The following VWA3B variants were observed in gnomAD, a reference collection of about 807,000 sequenced individuals.
The protein encoded by VWA3B is von Willebrand factor A domain containing 3B, also known as von Willebrand factor A domain-containing protein 3B.
In VWA3B, 138 loss-of-function variants were observed where a neutral mutation model predicts 158.3. The observed-to-expected ratio is 0.87, with a 90% CI of 0.76 to 1.00. The LOEUF (loss-of-function observed/expected upper bound fraction) is 1.00. VWA3B is among the 50% of genes least tolerant of loss of function. VWA3B has a pLI of 0.00. For missense variants in VWA3B, 1,555 were observed against 1,565.1 expected (o/e 0.99, Z 0.11); for synonymous variants, 596 against 587.3 (o/e 1.01, Z -0.21).
chr2:98,162,992 G>T lies in VWA3B; in HGVS notation c.1114+16G>T. ...GTGGACTGCGGTTGGTGCTATTTCTGGTCACTGGTGTAAAAGATTCATAAA... is the reference window on the plus strand; with the variant it reads ...GTGGACTGCGGTTGGTGCTATTTCTTGTCACTGGTGTAAAAGATTCATAAA... On this transcript the variant is annotated intron_variant, in intron 8 of 27. Coordinates refer to ENST00000477737, the MANE Select transcript of VWA3B (RefSeq NM_144992.5). 1 of 1,613,510 alleles carries T rather than the reference G, an allele frequency of 6.2e-7. No individual in the cohort carries two copies. Among genetic ancestry groups the T allele is most frequent in the East Asian group, 2.2e-5 (1 of 44,872 alleles).
rs766916957 is a variant in VWA3B, at chr2:98,311,930, C to A, written c.3633C>A (p.Pro1211=). Residue 1211 remains proline (P), a synonymous_variant, in exon 27 of 28, where the codon CCC becomes CCA. Transcript: ENST00000477737. ...RREKPRRKKR[P]AKQPLQQAAP... The stretch of plus-strand genomic sequence containing the variant: ...AGAAGCCCAGGAGGAAAAAGAGGCC[C>A]GCCAAGCAGCCACTCCAGCAGGCGG... The A allele has an allele frequency of 1.2e-6, 2 of 1,606,938 alleles. No homozygotes were observed. Among genetic ancestry groups the A allele is most frequent in the East Asian group, 2.2e-5 (1 of 44,558 alleles).
intron 4 of VWA3B, 137 bp downstream of exon 4, chr2:98,119,900 T>A: frequency 8.9e-7 from 1 of 1,129,268 alleles, no homozygotes; most frequent in Non-Finnish European, 1.2e-6. Context: ...CTAGAAGATG[T>A]AATTTCAGCA....
At chr2:98,286,361 T>C (rs2105935084) in intron 22 of VWA3B, among the ~76,000 whole-genome samples, 1 of 152,286 alleles carries the variant, frequency 6.6e-6, no homozygotes, top group East Asian at 1.9e-4. Context: ...GGGTAAGTCA[T>C]CTAGTTTTTC....
At chr2:98,112,281 GGTGTGTGTGTGTGTGTGTGTGGGTGTGT>G (rs1240123304) in intron 2 of VWA3B, among the ~76,000 whole-genome samples, 17 of 148,294 alleles carry the variant, frequency 1.1e-4, no homozygotes, top group African/African-American at 4.0e-4. Context: ...GTCTGTTTGG[GGTGTGTGTGTGTGTGTGTGTGGGTGTGT>G]GTGTGTGTGT....
intron 6 of VWA3B, among the ~76,000 whole-genome samples, chr2:98,129,058 C>A (rs1175937201): frequency 6.6e-6 from 1 of 151,764 alleles, no homozygotes; most frequent in African/African-American, 2.4e-5. Flanking sequence ...GGTGGCTTAA[C>A]AAGTATTTAT....
intron 10 of VWA3B, among the ~76,000 whole-genome samples, chr2:98,192,041 G>T (rs914520100): frequency 1.3e-5 from 2 of 152,198 alleles, no homozygotes; most frequent in Non-Finnish European, 2.9e-5. Flanking sequence ...CCAGGGCCTT[G>T]GTTATTACAG....
intron 4 of VWA3B, among the ~76,000 whole-genome samples, chr2:98,120,813 G>A (rs1001758732): frequency 1.3e-5 from 2 of 152,172 alleles, no homozygotes; most frequent in African/African-American, 2.4e-5. Flanking sequence ...AACAATACCA[G>A]TATTAATCCA....
At chr2:98,232,949 T>A (rs546208517) in intron 16 of VWA3B, among the ~76,000 whole-genome samples, 1 of 152,230 alleles carries the variant, frequency 6.6e-6, no homozygotes, top group East Asian at 1.9e-4. Context: ...AGGAGGGCCT[T>A]GAACCCACAG....
At chr2:98,106,219 G>T (rs566776671) in intron 2 of VWA3B, among the ~76,000 whole-genome samples, 2 of 152,090 alleles carry the variant, frequency 1.3e-5, no homozygotes, top group South Asian at 4.2e-4. Context: ...CTGGCCCTAG[G>T]TTCTCTATTT....
At chr2:98,250,122 A>G (rs1450216441) in intron 19 of VWA3B, among the ~76,000 whole-genome samples, 196 bp from the exon 20 acceptor site, 2 of 152,154 alleles carry the variant, frequency 1.3e-5, no homozygotes, top group Non-Finnish European at 2.9e-5. Flanking sequence ...ATATAGTTTT[A>G]AACATTGAAC....
chr2:98,225,444 A>G (rs1684845688), intron 14 of VWA3B, among the ~76,000 whole-genome samples: 1 of 152,228 alleles, frequency 6.6e-6, no homozygotes. Flanking sequence ...GAAATAGAAG[A>G]GAACTTCCTC....
chr2:98,139,441 C>T (rs187949397), intron 7 of VWA3B, among the ~76,000 whole-genome samples: 2 of 152,370 alleles, frequency 1.3e-5, no homozygotes, highest in East Asian at 3.9e-4. Context: ...GTGTGGGATC[C>T]ACTGGGTGAA....
chr2:98,122,269 A>G (rs1305592241), intron 5 of VWA3B, among the ~76,000 whole-genome samples: 1 of 152,086 alleles, frequency 6.6e-6, no homozygotes, highest in East Asian at 1.9e-4. Flanking sequence ...TTGCCTTTGG[A>G]TACAGTTACT....
At chr2:98,263,454 G>C (rs556454439) in intron 21 of VWA3B, among the ~76,000 whole-genome samples, 1 of 152,000 alleles carries the variant, frequency 6.6e-6, no homozygotes, top group African/African-American at 2.4e-5. Flanking sequence ...ATCATGAAAG[G>C]ATGTTGACTT....
intron 21 of VWA3B, among the ~76,000 whole-genome samples, chr2:98,260,975 C>T (rs1326314247): frequency 1.3e-5 from 2 of 151,692 alleles, no homozygotes; most frequent in Non-Finnish European, 3.0e-5. Flanking sequence ...TTATTTACCT[C>T]ATTCTGCCAG....
intron 2 of VWA3B, among the ~76,000 whole-genome samples, chr2:98,112,197 A>G (rs771357506): frequency 2.0e-5 from 3 of 151,006 alleles, no homozygotes; most frequent in Non-Finnish European, 4.4e-5. Context: ...ATTTTTGTCA[A>G]CTTTTTGAAG....
rs1282866897 is a variant in VWA3B, at chr2:98,303,723, C to T, written c.3442C>T (p.Leu1148Phe). Residue 1148 changes from leucine (L) to phenylalanine (F), a missense_variant, in exon 26 of 28, where the codon CTT becomes TTT. Leu to Phe is a conservative substitution (Grantham distance 22). Transcript: ENST00000477737. ...NRREFCPRSA[L>F]IKISQNKYAL... ...ACAGGAATTTTGCCCTCGGAGTGCA[C>T]TTATTAAGATCAGCCAAAACAAGTA... 1 of 1,614,036 alleles carries T rather than the reference C, an allele frequency of 6.2e-7. No homozygotes were observed. Among genetic ancestry groups the T allele is most frequent in the Non-Finnish European group, 8.5e-7 (1 of 1,180,034 alleles).
rs79572209 is a variant in VWA3B at position 98,296,681 on chromosome 2, G to T, written c.3158-1226G>T. On this transcript the variant is annotated intron_variant, in intron 23 of 27. Coordinates refer to ENST00000477737, the MANE Select transcript of VWA3B (RefSeq NM_144992.5). ...TGCCGTGGAGCCCAGCGGGACGCGTGTGCTCATTTCTGTCTCCAGGAGGGT... is the reference window on the plus strand; with the variant it reads ...TGCCGTGGAGCCCAGCGGGACGCGTTTGCTCATTTCTGTCTCCAGGAGGGT... Among the ~76,000 whole-genome samples, 1,036 of 152,334 alleles carry T rather than the reference G, an allele frequency of 6.8e-3. 10 individuals carry two copies. Among genetic ancestry groups the T allele is most frequent in the African/African-American group, 0.024 (984 of 41,574 alleles).
intron 7 of VWA3B, among the ~76,000 whole-genome samples, chr2:98,143,552 T>C (rs899245730): frequency 2.0e-5 from 3 of 152,136 alleles, no homozygotes; most frequent in Non-Finnish European, 2.9e-5. Flanking sequence ...GTTTCTATTA[T>C]GCTATATTAG....
Sources: gnomAD v4.1 joint callset for allele counts (sites outside exome capture counted in the v4.1 genomes callset) on GRCh38, gnomAD v4.1.1 for gene constraint, MANE v1.5 for transcripts, NCBI Gene and HGNC (gene_info 2026-07-23, HGNC 2026-07-21) for gene names.